The following ADK variants were observed in gnomAD, a reference collection of about 807,000 sequenced individuals.
The protein encoded by ADK is N6,N6-dimethyladenosine kinase.
Under a neutral mutation model 44.7 loss-of-function variants are expected in ADK, and 24 were observed. The observed-to-expected ratio is 0.54, with a 90% CI of 0.39 to 0.76. The LOEUF (loss-of-function observed/expected upper bound fraction) is 0.76. Ranked by LOEUF, ADK falls within the 30% of genes least tolerant of loss-of-function variation. ADK has a pLI of 0.00. For synonymous variants in ADK, 128 were observed against 142.6 expected (o/e 0.90, Z 0.73); for missense variants, 321 against 425.1 (o/e 0.76, Z 2.15).
chr10:74,504,288 C>G (rs1168343157), intron 6 of ADK, among the ~76,000 whole-genome samples: 1 of 151,902 alleles, frequency 6.6e-6, no homozygotes, highest in Non-Finnish European at 1.5e-5. Context: ...ATGAAGGTAG[C>G]AGTATCCACT....
chr10:74,159,545 T>C (rs968568538), intron 1 of ADK, among the ~76,000 whole-genome samples: 6 of 152,216 alleles, frequency 3.9e-5, no homozygotes, highest in African/African-American at 1.4e-4. Flanking sequence ...TAGAACCATT[T>C]TGAAATCTCT....
intron 9 of ADK, among the ~76,000 whole-genome samples, chr10:74,609,191 C>T (rs951818914): frequency 6.6e-6 from 1 of 152,142 alleles, no homozygotes; most frequent in Non-Finnish European, 1.5e-5. Context: ...GGGCAGGATC[C>T]GCTGAGCTAG....
At chr10:74,424,171 C>T (rs1844691213) in intron 6 of ADK, among the ~76,000 whole-genome samples, 1 of 152,114 alleles carries the variant, frequency 6.6e-6, no homozygotes, top group South Asian at 2.1e-4. Context: ...TCTCCCCCCA[C>T]CCCTGGTGGT....
chr10:74,425,235 C>A (rs189737445), intron 6 of ADK, among the ~76,000 whole-genome samples: 55 of 152,264 alleles, frequency 3.6e-4, no homozygotes, highest in Non-Finnish European at 6.5e-4. Flanking sequence ...GATCCATAAA[C>A]CTTCATGAGG....
At chr10:74,655,906 AG>A (rs1456890215) in intron 9 of ADK, 9 of 673,084 alleles carry the variant, frequency 1.3e-5, no homozygotes, top group Non-Finnish European at 2.5e-5. Context: ...GACCTGACAG[AG>A]GGTCAGGTTG....
At chr10:74,663,407 TAG>T (rs998340398) in intron 9 of ADK, among the ~76,000 whole-genome samples, 6 of 151,918 alleles carry the variant, frequency 3.9e-5, no homozygotes, top group Non-Finnish European at 7.4e-5. Context: ...TGACACATGG[TAG>T]AGTCTTAATA....
intron 9 of ADK, among the ~76,000 whole-genome samples, chr10:74,633,040 A>G (rs1853496103): frequency 6.6e-6 from 1 of 152,204 alleles, no homozygotes. Context: ...TAATATATAC[A>G]TAAGATGGAA....
chr10:74,222,271 C>A (rs1458233751), intron 2 of ADK, among the ~76,000 whole-genome samples: 1 of 152,160 alleles, frequency 6.6e-6, no homozygotes, highest in Non-Finnish European at 1.5e-5. Context: ...TGCTCACCAT[C>A]ACTGGCCATC....
chr10:74,348,971 C>G (rs959028460), intron 4 of ADK, among the ~76,000 whole-genome samples: 1 of 152,026 alleles, frequency 6.6e-6, no homozygotes, highest in African/African-American at 2.4e-5. Flanking sequence ...GAGAATGGAA[C>G]CAAGTTGGAA....
At chr10:74,664,820 C>A (rs1017385260) in intron 9 of ADK, among the ~76,000 whole-genome samples, 1 of 151,914 alleles carries the variant, frequency 6.6e-6, no homozygotes, top group African/African-American at 2.4e-5. Flanking sequence ...CCAGCCTGGG[C>A]GACGCAGCGA....
intron 6 of ADK, among the ~76,000 whole-genome samples, chr10:74,505,347 G>T (rs974230891): frequency 2.0e-5 from 3 of 152,048 alleles, no homozygotes; most frequent in African/African-American, 7.2e-5. Context: ...GGTCTAATAT[G>T]AATTTGTTTC....
In ADK at chr10:74,348,789, G is replaced by A. The variant is rs542111239; in HGVS notation, c.273+34044G>A. ...ATACACAAGTATCAATAGCCAAATC[G>A]ATCAAGCAGAAGAAAGGCTATCACA... On this transcript the variant is annotated intron_variant, in intron 4 of 10. Coordinates refer to ENST00000539909, the MANE Select transcript of ADK (RefSeq NM_006721.4). 9.3e-5 allele frequency among the ~76,000 whole-genome samples: 14 copies of A among 151,072 alleles called. No individual in the cohort carries two copies. The East Asian group carries it at 2.7e-3, about 30-fold the overall frequency.
At chr10:74,318,070 G>C (rs1407459175) in intron 4 of ADK, among the ~76,000 whole-genome samples, 7 of 152,072 alleles carry the variant, frequency 4.6e-5, no homozygotes, top group Non-Finnish European at 1.0e-4. Context: ...ATGAGCCACC[G>C]TGCCTGGCCT....
intron 1 of ADK, among the ~76,000 whole-genome samples, chr10:74,167,672 G>A (rs772709020): frequency 7.9e-5 from 12 of 152,182 alleles, no homozygotes; most frequent in Non-Finnish European, 1.5e-5. Flanking sequence ...TCAAAGGCTA[G>A]CTTAGAATCT....
intron 7 of ADK, among the ~76,000 whole-genome samples, chr10:74,543,700 A>G (rs1022924300): frequency 1.3e-5 from 2 of 152,206 alleles, no homozygotes; most frequent in Non-Finnish European, 2.9e-5. Flanking sequence ...ATTATTAAGC[A>G]TTGCTATCAA....
chr10:74,664,600 T>C (rs190918045), intron 9 of ADK, among the ~76,000 whole-genome samples: 48 of 152,326 alleles, frequency 3.2e-4, no homozygotes, highest in Admixed American at 4.6e-4. Flanking sequence ...CCCAGCACTT[T>C]GGGAGGCCAA....
chr10:74,615,072 G>A (rs1589299433), intron 9 of ADK, among the ~76,000 whole-genome samples: 1 of 152,076 alleles, frequency 6.6e-6, no homozygotes, highest in East Asian at 1.9e-4. Context: ...TGAAAATTCT[G>A]GCTCTCATTA....
At chr10:74,242,230 T>C (rs760854705) in intron 3 of ADK, among the ~76,000 whole-genome samples, 5 of 152,262 alleles carry the variant, frequency 3.3e-5, no homozygotes, top group Non-Finnish European at 7.3e-5. Context: ...GATGTTTAAT[T>C]CCTTTACTTT....
chr10:74,467,995 G>A (rs945349409), intron 6 of ADK, among the ~76,000 whole-genome samples: 1 of 151,970 alleles, frequency 6.6e-6, no homozygotes, highest in Non-Finnish European at 1.5e-5. Flanking sequence ...ACACTGTATG[G>A]CTATTTCCGC....
Sources: gnomAD v4.1 joint callset for allele counts (sites outside exome capture counted in the v4.1 genomes callset) on GRCh38, gnomAD v4.1.1 for gene constraint, MANE v1.5 for transcripts, NCBI Gene and HGNC (gene_info 2026-07-23, HGNC 2026-07-21) for gene names.